The following EPM2A variants were observed in gnomAD, a reference collection of about 807,000 sequenced individuals.
The protein encoded by EPM2A is EPM2A glucan phosphatase, laforin, also known as laforin.
EPM2A carries 21 observed loss-of-function variants against 26.5 expected under a neutral mutation model. The ratio of observed to expected loss-of-function variants is 0.79; its 90% confidence interval spans 0.56 to 1.14. The LOEUF (loss-of-function observed/expected upper bound fraction) is 1.14. Ranked by LOEUF, EPM2A falls within the 50% of genes most tolerant of loss-of-function variation. The probability of loss-of-function intolerance (pLI) is 0.00; values close to 1 mark genes in which losing one functional copy is unlikely to be tolerated. For missense variants in EPM2A, 458 were observed against 440.8 expected (o/e 1.04, Z -0.35); for synonymous variants, 217 against 177.6 (o/e 1.22, Z -1.76).
intron 4 of EPM2A, among the ~76,000 whole-genome samples, chr6:145,449,713 T>C (rs1374285951): frequency 6.6e-6 from 1 of 152,222 alleles, no homozygotes; most frequent in Non-Finnish European, 1.5e-5. Flanking sequence ...ACTTATTTAA[T>C]AGTATTTTTC....
intron 2 of EPM2A, among the ~76,000 whole-genome samples, chr6:145,607,519 C>T (rs56950953): frequency 0.067 from 10,209 of 151,884 alleles, 1,150 homozygotes; most frequent in African/African-American, 0.23. Context: ...AGGGGTAAAA[C>T]GATAGGTGAA....
intron 2 of EPM2A, among the ~76,000 whole-genome samples, chr6:145,509,870 A>C (rs544699975): frequency 6.6e-6 from 1 of 152,298 alleles, no homozygotes; most frequent in Non-Finnish European, 1.5e-5. Context: ...CCATAGGCTC[A>C]AAGTAAAGGG....
intron 4 of EPM2A, among the ~76,000 whole-genome samples, chr6:145,400,119 G>C (rs1778462673): frequency 6.6e-6 from 1 of 152,204 alleles, no homozygotes; most frequent in African/African-American, 2.4e-5. Context: ...TAAGTCCCTT[G>C]GCCACAGGGG....
chr6:145,467,226 A>T (rs1779410431), intron 4 of EPM2A, among the ~76,000 whole-genome samples: 1 of 152,062 alleles, frequency 6.6e-6, no homozygotes, highest in African/African-American at 2.4e-5. Context: ...TACTTTATGT[A>T]TAATTGTTTG....
At chr6:145,615,152 A>C (rs1416203169) in intron 2 of EPM2A, among the ~76,000 whole-genome samples, 1 of 152,130 alleles carries the variant, frequency 6.6e-6, no homozygotes, top group Non-Finnish European at 1.5e-5. Context: ...CCCCACCCAA[A>C]TCTCATCTTG....
chr6:145,462,289 G>A (rs556281775), intron 4 of EPM2A, among the ~76,000 whole-genome samples: 1 of 152,302 alleles, frequency 6.6e-6, no homozygotes, highest in Admixed American at 6.5e-5. Context: ...CCAAGGAGAT[G>A]CGTGTGTTTG....
intron 4 of EPM2A, among the ~76,000 whole-genome samples, chr6:145,391,519 C>T (rs1369890643): frequency 6.6e-6 from 1 of 151,974 alleles, no homozygotes; most frequent in Non-Finnish European, 1.5e-5. Context: ...CATGTGCCTG[C>T]CCCCCCTTTG....
At chr6:145,485,891 A>C (rs1416443934) in intron 4 of EPM2A, among the ~76,000 whole-genome samples, 1 of 152,194 alleles carries the variant, frequency 6.6e-6, no homozygotes, top group Non-Finnish European at 1.5e-5. Flanking sequence ...TCCCCTTATA[A>C]AACCATCAGA....
In EPM2A at chr6:145,480,015, G is replaced by T. The variant is rs141786147; in HGVS notation, c.555+22507C>A. Among the ~76,000 whole-genome samples the T allele has an allele frequency of 1.8e-4, 28 of 152,010 alleles. No individual in the cohort carries two copies. In the East Asian group the frequency reaches 5.2e-3, roughly 28 times the overall value. On this transcript the variant is annotated intron_variant, in intron 4 of 4. Coordinates refer to the EPM2A transcript ENST00000638717. ...TTTCAATTTCGTAATGATTAGTATTGCTCAGCATCTTTTCATGTGACTATA... is the reference window on the plus strand; with the variant it reads ...TTTCAATTTCGTAATGATTAGTATTTCTCAGCATCTTTTCATGTGACTATA...
chr6:145,486,374 T>C (rs1438892105), intron 4 of EPM2A, among the ~76,000 whole-genome samples: 3 of 152,222 alleles, frequency 2.0e-5, no homozygotes, highest in Admixed American at 6.5e-5. Flanking sequence ...TACATTTATA[T>C]AGTAAAATCA....
chr6:145,522,851 A>G (rs972391408), intron 2 of EPM2A, among the ~76,000 whole-genome samples: 4 of 148,476 alleles, frequency 2.7e-5, no homozygotes, highest in Admixed American at 6.7e-5. Context: ...CTCTTTTTTT[A>G]TAACTCTTTA....
At chr6:145,633,125 A>G (rs898778597) in intron 3 of EPM2A, among the ~76,000 whole-genome samples, 8 of 152,188 alleles carry the variant, frequency 5.3e-5, no homozygotes, top group Non-Finnish European at 1.2e-4. Context: ...GCAAATTACT[A>G]TCTGTCAGCA....
chr6:145,720,398 T>C (rs1339585530), intron 1 of EPM2A, among the ~76,000 whole-genome samples: 1 of 152,232 alleles, frequency 6.6e-6, no homozygotes, highest in Non-Finnish European at 1.5e-5. Flanking sequence ...TTAAGTAAAT[T>C]CTTCCTCATA....
At position 145,396,293 on chromosome 6, in the gene EPM2A, C is replaced by T. The variant is rs995047331; in HGVS notation, c.556-12196G>A. 4.6e-5 allele frequency among the ~76,000 whole-genome samples: 7 copies of T among 152,182 alleles called. 1 individual carries two copies. Among genetic ancestry groups the T allele is most frequent in the Admixed American group, 1.3e-4 (2 of 15,272 alleles). ...TCCTTCTTCCCGGGCTCCTTCCTCTCCCTCATTCCCTTTCCCATCTGAAGA... is the reference window on the plus strand; with the variant it reads ...TCCTTCTTCCCGGGCTCCTTCCTCTTCCTCATTCCCTTTCCCATCTGAAGA... On this transcript the variant is annotated intron_variant, in intron 4 of 4. Coordinates refer to the EPM2A transcript ENST00000638717.
At chr6:145,407,446 G>T (rs1355145) in intron 4 of EPM2A, among the ~76,000 whole-genome samples, 36,594 of 151,786 alleles carry the variant, frequency 0.24, 5,370 homozygotes, top group Non-Finnish European at 0.33. Flanking sequence ...GGGTTATCTT[G>T]TCTCATTGAC....
At chr6:145,588,183 A>C (rs1781223041) in intron 2 of EPM2A, among the ~76,000 whole-genome samples, 1 of 152,174 alleles carries the variant, frequency 6.6e-6, no homozygotes, top group Non-Finnish European at 1.5e-5. Flanking sequence ...ACCTCATTGA[A>C]TATGGTATTG....
intron 1 of EPM2A, among the ~76,000 whole-genome samples, chr6:145,710,479 T>A (rs1429846708): frequency 6.6e-6 from 1 of 152,210 alleles, no homozygotes; most frequent in Non-Finnish European, 1.5e-5. Flanking sequence ...CAACAGGTGC[T>A]GGAGAGGATG....
At chr6:145,431,134 G>C (rs1030638886) in intron 4 of EPM2A, among the ~76,000 whole-genome samples, 1 of 152,162 alleles carries the variant, frequency 6.6e-6, no homozygotes, top group Non-Finnish European at 1.5e-5. Context: ...ACAGCAGAGA[G>C]ATAGAAAATA....
At chr6:145,511,849 A>C (rs1471009987) in intron 2 of EPM2A, among the ~76,000 whole-genome samples, 1 of 152,218 alleles carries the variant, frequency 6.6e-6, no homozygotes, top group Non-Finnish European at 1.5e-5. Context: ...ACATGATCAC[A>C]TACCTACAAA....
Sources: allele counts gnomAD v4.1 joint callset (sites outside exome capture counted in the v4.1 genomes callset), GRCh38; gene constraint gnomAD v4.1.1; transcripts MANE v1.5; gene names NCBI Gene and HGNC (gene_info 2026-07-23, HGNC 2026-07-21).